Variants in NOCT observed in about 807,000 individuals in gnomAD.
NOCT encodes the protein CCR4 carbon catabolite repression 4-like.
A neutral mutation model predicts 35.0 loss-of-function variants in NOCT; 18 were observed. That is an observed-to-expected ratio of 0.51 (90% CI 0.36 to 0.76). The LOEUF is 0.76. Ranked by LOEUF, NOCT falls within the 30% of genes least tolerant of loss-of-function variation. NOCT has a pLI of 0.01. For missense variants in NOCT, 479 were observed against 541.0 expected (o/e 0.89, Z 1.14); for synonymous variants, 235 against 226.3 (o/e 1.04, Z -0.34).
At chr4:139,036,096 C>T (rs920573486) in intron 1 of NOCT, among the ~76,000 whole-genome samples, 2 of 152,240 alleles carry the variant, frequency 1.3e-5, no homozygotes, top group Non-Finnish European at 2.9e-5. Context: ...AGACTACACA[C>T]ACACATATAT....
intron 2 of NOCT, among the ~76,000 whole-genome samples, chr4:139,044,088 C>T (rs1726891538): frequency 6.7e-6 from 1 of 150,062 alleles, no homozygotes; most frequent in South Asian, 2.1e-4. Flanking sequence ...TGTAGCATTG[C>T]CTTTTATGTA....
At chr4:139,044,006 A>G (rs1256603737) in intron 2 of NOCT, 2 of 148,708 alleles carry the variant, frequency 1.3e-5, no homozygotes, top group African/African-American at 4.9e-5. Context: ...ATATATATAC[A>G]CTTTGTTACA....
At chr4:139,030,807 G>A (rs971563042) in intron 1 of NOCT, among the ~76,000 whole-genome samples, 8 of 152,156 alleles carry the variant, frequency 5.3e-5, no homozygotes, top group Non-Finnish European at 1.2e-4. Context: ...TGTTCAACAC[G>A]CATGGCCAGT....
intron 1 of NOCT, among the ~76,000 whole-genome samples, chr4:139,021,070 C>CAAAAAAAAAAA (rs942925444): frequency 1.8e-5 from 1 of 55,646 alleles, no homozygotes; most frequent in Non-Finnish European, 4.0e-5. Flanking sequence ...TACTCTGTCT[C>CAAAAAAAAAAA]AAAAAAAAAA....
intron 1 of NOCT, among the ~76,000 whole-genome samples, chr4:139,037,613 T>C (rs1478600843): frequency 6.6e-6 from 1 of 152,082 alleles, no homozygotes; most frequent in East Asian, 1.9e-4. Flanking sequence ...CTGCAAACAG[T>C]AGAGCTGTTA....
Position 139,021,267 on chromosome 4 carries a change from T to G in NOCT, c.190+5096T>G, listed in dbSNP as rs138495718. On this transcript the variant is annotated intron_variant, in intron 1 of 2. Coordinates refer to ENST00000280614, the MANE Select transcript of NOCT (RefSeq NM_012118.4). ...TCCTCCCGCCTCAGCCATCCAAAAG[T>G]GCTGAGATTACAGGCATGAGCCATC... is the stretch of plus-strand genomic sequence containing the variant. Among the ~76,000 whole-genome samples, 381 of 152,028 alleles carry G rather than the reference T, an allele frequency of 2.5e-3. 1 individual carries two copies. The highest frequency in any genetic ancestry group is 4.5e-3 in the Non-Finnish European group (304 of 67,974).
chr4:139,026,070 C>T (rs1003532509), intron 1 of NOCT, among the ~76,000 whole-genome samples: 1 of 152,028 alleles, frequency 6.6e-6, no homozygotes. Context: ...TAGTGGTGAG[C>T]ATAGCTGCCT....
At chr4:139,019,295 C>T (rs1248827758) in intron 1 of NOCT, among the ~76,000 whole-genome samples, 2 of 152,174 alleles carry the variant, frequency 1.3e-5, no homozygotes, top group Admixed American at 6.5e-5. Context: ...CTCTGGTGAT[C>T]CACCTGCTTT....
chr4:139,016,960 G>C (rs1396105809), intron 1 of NOCT, among the ~76,000 whole-genome samples: 1 of 67,104 alleles, frequency 1.5e-5, no homozygotes, highest in East Asian at 4.6e-4. Context: ...GCCATTTTAC[G>C]TTTCTTTGGA....
At chr4:139,025,534 G>C (rs2148643233) in intron 1 of NOCT, among the ~76,000 whole-genome samples, 1 of 152,304 alleles carries the variant, frequency 6.6e-6, no homozygotes, top group East Asian at 1.9e-4. Flanking sequence ...AAAGAGGCCA[G>C]GCGCGGTGGC....
At chr4:139,042,377 A>G (rs1056154793) in intron 1 of NOCT, among the ~76,000 whole-genome samples, 6 of 152,040 alleles carry the variant, frequency 3.9e-5, no homozygotes, top group African/African-American at 1.4e-4. Context: ...CCTAGTCTTG[A>G]GGTTCTTAAG....
At chr4:139,019,723 C>T (rs1346881718) in intron 1 of NOCT, among the ~76,000 whole-genome samples, 1 of 151,970 alleles carries the variant, frequency 6.6e-6, no homozygotes, top group Non-Finnish European at 1.5e-5. Context: ...AAAGGTGACC[C>T]TAGGGATGAT....
intron 1 of NOCT, among the ~76,000 whole-genome samples, chr4:139,020,648 G>A (rs953874928): frequency 6.6e-6 from 1 of 152,162 alleles, no homozygotes; most frequent in Non-Finnish European, 1.5e-5. Context: ...TATTTAACAA[G>A]TGCCTCAGGG....
At chr4:139,022,508 GT>G (rs1346882438) in intron 1 of NOCT, among the ~76,000 whole-genome samples, 9 of 152,166 alleles carry the variant, frequency 5.9e-5, no homozygotes, top group Non-Finnish European at 1.2e-4. Context: ...ATATCTCCAA[GT>G]GGGGCCTGAG....
chr4:139,019,488 A>G (rs756930181), intron 1 of NOCT, among the ~76,000 whole-genome samples: 5 of 152,356 alleles, frequency 3.3e-5, no homozygotes, highest in Admixed American at 2.6e-4. Flanking sequence ...TTGTTCTTCT[A>G]TGCCCTCAAA....
chr4:139,019,593 G>A (rs1348383320), intron 1 of NOCT, among the ~76,000 whole-genome samples: 1 of 152,192 alleles, frequency 6.6e-6, no homozygotes, highest in African/African-American at 2.4e-5. Flanking sequence ...AGTGAGTCCC[G>A]ACAGCTGTCC....
At chr4:139,036,599 G>T (rs1267736802) in intron 1 of NOCT, among the ~76,000 whole-genome samples, 1 of 152,078 alleles carries the variant, frequency 6.6e-6, no homozygotes. Context: ...ATACCCTAGT[G>T]ATTCTGCATA....
At chr4:139,040,363 AG>A (rs1482245606) in intron 1 of NOCT, among the ~76,000 whole-genome samples, 6 of 152,082 alleles carry the variant, frequency 3.9e-5, no homozygotes, top group African/African-American at 1.4e-4. Flanking sequence ...TTAAAGACTT[AG>A]CTCACTCTGC....
chr4:139,030,193 A>T (rs1362544208), intron 1 of NOCT, among the ~76,000 whole-genome samples: 4 of 152,176 alleles, frequency 2.6e-5, no homozygotes, highest in African/African-American at 9.7e-5. Context: ...GTTACGTTTA[A>T]TGGTGACTTA....
Sources: allele counts gnomAD v4.1 joint callset (sites outside exome capture counted in the v4.1 genomes callset), GRCh38; gene constraint gnomAD v4.1.1; transcripts MANE v1.5; gene names NCBI Gene and HGNC (gene_info 2026-07-23, HGNC 2026-07-21).